Variants in ADAMTSL1 observed in about 807,000 individuals in gnomAD.
The protein encoded by ADAMTSL1 is ADAMTS like 1.
Under a neutral mutation model 201.8 loss-of-function variants are expected in ADAMTSL1, and 126 were observed. The ratio of observed to expected loss-of-function variants is 0.62; its 90% CI spans 0.54 to 0.72. The LOEUF (loss-of-function observed/expected upper bound fraction) is 0.72. Ranked by LOEUF, ADAMTSL1 falls within the 30% of genes least tolerant of loss-of-function variation. ADAMTSL1 has a pLI of 0.00. For missense variants in ADAMTSL1, 2,679 were observed against 2,277.8 expected (o/e 1.18, Z -3.59); for synonymous variants, 1,121 against 903.4 (o/e 1.24, Z -4.32).
At chr9:18,348,946 A>G (rs1279804489) in intron 2 of ADAMTSL1, among the ~76,000 whole-genome samples, 3 of 152,322 alleles carry the variant, frequency 2.0e-5, no homozygotes, top group East Asian at 3.9e-4. Flanking sequence ...GTATTTACAT[A>G]TATTATCTCA....
intron 2 of ADAMTSL1, among the ~76,000 whole-genome samples, chr9:18,323,220 A>G (rs1272339203): frequency 6.6e-6 from 1 of 152,226 alleles, no homozygotes; most frequent in East Asian, 1.9e-4. Context: ...TAGGAATGTA[A>G]GGTTGGCTTG....
intron 4 of ADAMTSL1, among the ~76,000 whole-genome samples, chr9:18,577,409 C>G (rs1156724854): frequency 1.3e-5 from 2 of 152,166 alleles, no homozygotes; most frequent in Admixed American, 6.5e-5. Flanking sequence ...TGGCTTAAAC[C>G]TGGGAGGCAG....
intron 15 of ADAMTSL1, among the ~76,000 whole-genome samples, chr9:18,734,559 C>A (rs981635714): frequency 2.6e-5 from 4 of 152,046 alleles, no homozygotes; most frequent in Admixed American, 2.6e-4. Flanking sequence ...CCCTGGGCCG[C>A]GCACTAACAG....
At chr9:18,045,265 C>G (rs540242188) in intron 1 of ADAMTSL1, among the ~76,000 whole-genome samples, 2 of 152,218 alleles carry the variant, frequency 1.3e-5, no homozygotes, top group East Asian at 3.9e-4. Context: ...TTGAGAATCA[C>G]AAGATTTCTT....
intron 2 of ADAMTSL1, among the ~76,000 whole-genome samples, chr9:18,411,339 C>T (rs553049697): frequency 6.6e-6 from 1 of 151,852 alleles, no homozygotes; most frequent in Non-Finnish European, 1.5e-5. Context: ...AGGGGTGGGA[C>T]TACAAACGTG....
chr9:18,509,727 A>G (rs1294115458), intron 2 of ADAMTSL1, among the ~76,000 whole-genome samples: 1 of 152,210 alleles, frequency 6.6e-6, no homozygotes, highest in Non-Finnish European at 1.5e-5. Flanking sequence ...CTAGTATCTC[A>G]TTGGCCAAAC....
intron 4 of ADAMTSL1, among the ~76,000 whole-genome samples, chr9:18,620,908 A>G (rs541301695): frequency 2.0e-5 from 3 of 152,366 alleles, no homozygotes; most frequent in South Asian, 2.1e-4. Context: ...TTTTAAAAAT[A>G]GAGTACATAT....
intron 23 of ADAMTSL1, among the ~76,000 whole-genome samples, chr9:18,839,127 G>A (rs991614638): frequency 1.3e-5 from 2 of 150,028 alleles, no homozygotes; most frequent in East Asian, 2.0e-4. Flanking sequence ...CTGGTGTGCT[G>A]CACCCATTAA....
chr9:18,241,641 A>T (rs1831067503), intron 2 of ADAMTSL1, among the ~76,000 whole-genome samples: 1 of 152,198 alleles, frequency 6.6e-6, no homozygotes, highest in African/African-American at 2.4e-5. Flanking sequence ...AGCTAGTCTA[A>T]ACAAAAAGGA....
At chr9:18,464,781 T>C (rs150138093) in intron 2 of ADAMTSL1, among the ~76,000 whole-genome samples, 197 of 152,206 alleles carry the variant, frequency 1.3e-3, no homozygotes, top group African/African-American at 4.6e-3. Flanking sequence ...TAGCGTAAAA[T>C]TGCAGTGCAA....
intron 2 of ADAMTSL1, among the ~76,000 whole-genome samples, chr9:18,302,357 A>G (rs539555672): frequency 6.6e-6 from 1 of 152,272 alleles, no homozygotes; most frequent in South Asian, 2.1e-4. Flanking sequence ...GTATCACCAC[A>G]CTTAGTGATG....
At chr9:18,709,980 G>C (rs1285839101) in intron 14 of ADAMTSL1, among the ~76,000 whole-genome samples, 1 of 152,160 alleles carries the variant, frequency 6.6e-6, no homozygotes, top group African/African-American at 2.4e-5. Context: ...TTCTCTGTCG[G>C]TTTACAGTGT....
intron 26 of ADAMTSL1, among the ~76,000 whole-genome samples, chr9:18,904,099 G>A (rs949847681): frequency 2.6e-5 from 4 of 152,096 alleles, no homozygotes; most frequent in African/African-American, 9.7e-5. Context: ...TTTCTGCATA[G>A]CTGGGAATAC....
chr9:18,759,514 A>C (rs1036238947), intron 16 of ADAMTSL1, among the ~76,000 whole-genome samples: 5 of 152,182 alleles, frequency 3.3e-5, no homozygotes, highest in Non-Finnish European at 2.9e-5. Flanking sequence ...TAGAGGCTAT[A>C]TTTATTTAAA....
intron 2 of ADAMTSL1, among the ~76,000 whole-genome samples, chr9:18,290,607 A>G (rs1833213173): frequency 6.6e-6 from 1 of 151,638 alleles, no homozygotes; most frequent in South Asian, 2.1e-4. Flanking sequence ...CCAAACCAAC[A>G]TCCATACTTG....
At chr9:18,039,738 C>G (rs1472814187) in intron 1 of ADAMTSL1, among the ~76,000 whole-genome samples, 1 of 152,142 alleles carries the variant, frequency 6.6e-6, no homozygotes, top group Non-Finnish European at 1.5e-5. Flanking sequence ...CAGCCTGTTT[C>G]TCTTACTACC....
At chr9:18,751,025 T>C (rs1304077993) in intron 15 of ADAMTSL1, among the ~76,000 whole-genome samples, 1 of 152,164 alleles carries the variant, frequency 6.6e-6, no homozygotes, top group Non-Finnish European at 1.5e-5. Context: ...GCCTTGGAAG[T>C]CACATAGCAT....
rs535857110 is a variant in ADAMTSL1 at position 18,106,794 on chromosome 9, A to C, written c.88-57068A>C. ...AGCAGCAATTGTACATTTGAGTTGC[A>C]TCTTTTAGATGAGGTTCTAGCCAGC... On this transcript the variant is annotated intron_variant, in intron 1 of 29. Coordinates refer to the ADAMTSL1 transcript ENST00000680146. Among the ~76,000 whole-genome samples the C allele has an allele frequency of 2.0e-5, 3 of 152,338 alleles. No homozygotes were observed. The South Asian group carries it at 6.2e-4, about 32-fold the overall frequency.
intron 25 of ADAMTSL1, chr9:18,890,540 T>C (rs1457195990): frequency 6.6e-6 from 3 of 455,896 alleles, no homozygotes; most frequent in African/African-American, 4.0e-5. Flanking sequence ...GGCAACTGCT[T>C]TCTGTTTTGC....
Sources: allele counts gnomAD v4.1 joint callset (sites outside exome capture counted in the v4.1 genomes callset), GRCh38; gene constraint gnomAD v4.1.1; transcripts MANE v1.5; gene names NCBI Gene and HGNC (gene_info 2026-07-23, HGNC 2026-07-21).